Variants in ZBTB44 observed in about 807,000 individuals in gnomAD.
ZBTB44 encodes zinc finger and BTB domain-containing protein 44.
Under a neutral mutation model 54.0 loss-of-function variants are expected in ZBTB44, and 15 were observed. The ratio of observed to expected loss-of-function variants is 0.28; its 90% CI spans 0.19 to 0.43. The LOEUF (loss-of-function observed/expected upper bound fraction) is 0.43. Ranked by LOEUF, ZBTB44 falls within the 20% of genes least tolerant of loss-of-function variation. The pLI is 1.00. For synonymous variants in ZBTB44, 230 were observed against 250.1 expected (o/e 0.92, Z 0.76); for missense variants, 487 against 707.1 (o/e 0.69, Z 3.53).
chr11:130,257,613 T>C (rs1172216906), intron 2 of ZBTB44, among the ~76,000 whole-genome samples: 1 of 152,242 alleles, frequency 6.6e-6, no homozygotes, highest in Non-Finnish European at 1.5e-5. Flanking sequence ...CTAACACCTG[T>C]CGTTCAGATT....
chr11:130,307,663 C>G (rs528171717), intron 1 of ZBTB44, among the ~76,000 whole-genome samples: 13 of 152,136 alleles, frequency 8.5e-5, no homozygotes, highest in African/African-American at 3.1e-4. Context: ...TATTATAATA[C>G]CATATTATTT....
At chr11:130,298,803 A>G (rs1941822504) in intron 1 of ZBTB44, among the ~76,000 whole-genome samples, 1 of 146,372 alleles carries the variant, frequency 6.8e-6, no homozygotes, top group African/African-American at 2.6e-5. Flanking sequence ...CAATTATAGA[A>G]CTGAACCACA....
chr11:130,247,603 G>C (rs1337679984), intron 2 of ZBTB44, among the ~76,000 whole-genome samples: 16 of 152,216 alleles, frequency 1.1e-4, no homozygotes, highest in Non-Finnish European at 1.9e-4. Context: ...ATGAGAGGAT[G>C]AACATAGGTT....
intron 1 of ZBTB44, among the ~76,000 whole-genome samples, chr11:130,291,087 C>T (rs975412358): frequency 2.0e-5 from 3 of 152,002 alleles, no homozygotes; most frequent in Admixed American, 1.3e-4. Context: ...AGGTCAAATT[C>T]TACTTTATTT....
intron 1 of ZBTB44, among the ~76,000 whole-genome samples, chr11:130,264,682 C>A (rs991771166): frequency 6.6e-6 from 1 of 152,186 alleles, no homozygotes; most frequent in Non-Finnish European, 1.5e-5. Context: ...ATATTTATCA[C>A]ATGCATTTCC....
intron 1 of ZBTB44, among the ~76,000 whole-genome samples, chr11:130,307,946 G>A (rs767842518): frequency 6.6e-5 from 10 of 152,042 alleles, no homozygotes; most frequent in South Asian, 4.1e-4. Context: ...GGCTGGTCTC[G>A]AGCTCCTGAC....
intron 1 of ZBTB44, among the ~76,000 whole-genome samples, chr11:130,300,982 TCTCA>T (rs1166357268): frequency 1.3e-5 from 2 of 149,814 alleles, no homozygotes; most frequent in Admixed American, 6.6e-5. Flanking sequence ...CTTGTTACTC[TCTCA>T]GATTTTTTTT....
chr11:130,270,786 G>A (rs1939609765), intron 1 of ZBTB44, among the ~76,000 whole-genome samples: 1 of 152,144 alleles, frequency 6.6e-6, no homozygotes, highest in African/African-American at 2.4e-5. Flanking sequence ...AAGAAGAGCT[G>A]GTTTCGATAG....
At chr11:130,312,584 A>G (rs1237304287) in intron 1 of ZBTB44, among the ~76,000 whole-genome samples, 1 of 152,226 alleles carries the variant, frequency 6.6e-6, no homozygotes, top group Non-Finnish European at 1.5e-5. Context: ...ATATTTTACA[A>G]GACAACTGGT....
chr11:130,290,177 G>A (rs776898514), intron 1 of ZBTB44, among the ~76,000 whole-genome samples: 8 of 152,220 alleles, frequency 5.3e-5, no homozygotes, highest in Non-Finnish European at 1.0e-4. Flanking sequence ...AAGTGGGGAA[G>A]AGGAGGTGGT....
intron 3 of ZBTB44, 88 bp downstream of exon 3, chr11:130,239,724 A>G (rs1954269466): frequency 9.5e-7 from 1 of 1,055,344 alleles, no homozygotes; most frequent in Non-Finnish European, 1.4e-6. Context: ...GTTGTAATAA[A>G]CTTCTACAAC....
intron 1 of ZBTB44, among the ~76,000 whole-genome samples, chr11:130,310,841 A>G (rs966988708): frequency 6.6e-6 from 1 of 152,080 alleles, no homozygotes; most frequent in Non-Finnish European, 1.5e-5. Flanking sequence ...GGTTCAAGCA[A>G]TTCTCCTGCC....
chr11:130,298,837 A>C (rs1033429270), intron 1 of ZBTB44, among the ~76,000 whole-genome samples: 22 of 148,582 alleles, frequency 1.5e-4, no homozygotes, highest in African/African-American at 5.6e-4. Context: ...ACCCAGACAC[A>C]CACACACACA....
At chr11:130,273,893 A>ACG in intron 1 of ZBTB44, among the ~76,000 whole-genome samples, 1 of 140,826 alleles carries the variant, frequency 7.1e-6, no homozygotes, top group East Asian at 2.1e-4. Flanking sequence ...ACATGGAGAG[A>ACG]CCCCACCCGC....
intron 1 of ZBTB44, chr11:130,297,056 A>G: frequency 1.5e-6 from 1 of 658,776 alleles, no homozygotes; most frequent in South Asian, 1.9e-5. Context: ...TCTCTCATTG[A>G]AGACATGCCT....
intron 1 of ZBTB44, among the ~76,000 whole-genome samples, chr11:130,274,040 A>G (rs1049165407): frequency 2.6e-5 from 4 of 152,158 alleles, no homozygotes; most frequent in East Asian, 1.9e-4. Context: ...GTGAGCCAAG[A>G]GCACACCACT....
At chr11:130,294,136 C>T (rs531139794) in intron 1 of ZBTB44, among the ~76,000 whole-genome samples, 3 of 152,078 alleles carry the variant, frequency 2.0e-5, no homozygotes, top group Admixed American at 6.6e-5. Flanking sequence ...AGGCCGGGCA[C>T]GGTAACTCAC....
intron 1 of ZBTB44, among the ~76,000 whole-genome samples, chr11:130,313,838 C>G (rs967416457): frequency 5.3e-5 from 8 of 151,890 alleles, no homozygotes; most frequent in Non-Finnish European, 8.8e-5. Flanking sequence ...CGAGGTAACC[C>G]CTTTTTCTGA....
intron 1 of ZBTB44, among the ~76,000 whole-genome samples, chr11:130,302,880 C>CCGATTCTCAA (rs1565337778): frequency 6.6e-6 from 1 of 152,034 alleles, no homozygotes; most frequent in African/African-American, 2.4e-5. Flanking sequence ...GAGGCTGAGG[C>CCGATTCTCAA]GGGAGAATCT....
Sources: gnomAD v4.1 joint callset for allele counts (sites outside exome capture counted in the v4.1 genomes callset) on GRCh38, gnomAD v4.1.1 for gene constraint, MANE v1.5 for transcripts, NCBI Gene and HGNC (gene_info 2026-07-23, HGNC 2026-07-21) for gene names.